Variants in P2RY8 observed in about 807,000 individuals in gnomAD.
P2RY8 encodes the protein P2Y receptor family member 8, also known as S-geranylgeranyl-glutathione receptor P2RY8.
P2RY8 carries 6 observed loss-of-function variants against 10.0 expected under a neutral mutation model. The ratio of observed to expected loss-of-function variants is 0.60; its 90% CI spans 0.33 to 1.19. The LOEUF is 1.19. Among genes scored for constraint, P2RY8 ranks in the 50% most tolerant of loss-of-function variants. The probability of loss-of-function intolerance (pLI) is 0.04; values close to 1 mark genes in which losing one functional copy is unlikely to be tolerated. For missense variants in P2RY8, 456 were observed against 542.0 expected (o/e 0.84, Z 1.58); for synonymous variants, 276 against 252.5 (o/e 1.09, Z -0.88).
chrX:1,511,577 T>C (rs1477810650), intron 1 of P2RY8, among the ~76,000 whole-genome samples: 1 of 152,166 alleles, frequency 6.6e-6, no homozygotes, highest in Non-Finnish European at 1.5e-5. Context: ...TGGAATGCAG[T>C]GGTGTGATCA....
At chrX:1,508,659 C>A (rs777156125) in intron 1 of P2RY8, among the ~76,000 whole-genome samples, 9 of 149,358 alleles carry the variant, frequency 6.0e-5, no homozygotes, top group Non-Finnish European at 7.5e-5. Flanking sequence ...ATCTATCTAT[C>A]CTGTATGTAT....
At chrX:1,503,287 A>G (rs2092197268) in intron 1 of P2RY8, among the ~76,000 whole-genome samples, 2 of 152,176 alleles carry the variant, frequency 1.3e-5, no homozygotes, top group African/African-American at 4.8e-5. Context: ...GGCCCCCGGA[A>G]CTGTAAGAAA....
chrX:1,492,207 G>T (rs1245938524), intron 1 of P2RY8, among the ~76,000 whole-genome samples: 1 of 152,136 alleles, frequency 6.6e-6, no homozygotes, highest in East Asian at 1.9e-4. Flanking sequence ...ACTGAAGATG[G>T]GGGTGTGTGG....
At chrX:1,469,739 AAAAC>A (rs1425323059) in intron 1 of P2RY8, among the ~76,000 whole-genome samples, 4 of 151,846 alleles carry the variant, frequency 2.6e-5, no homozygotes, top group African/African-American at 9.7e-5. Flanking sequence ...AAAAAACAAA[AAAAC>A]AAAAAAATTA....
chrX:1,524,796 T>C (rs866113308), intron 1 of P2RY8, among the ~76,000 whole-genome samples: 1 of 104,764 alleles, frequency 9.5e-6, no homozygotes, highest in African/African-American at 3.4e-5. Flanking sequence ...CATCCATTCA[T>C]CCATCCACTC....
chrX:1,491,027 C>T (rs1224371759), intron 1 of P2RY8, among the ~76,000 whole-genome samples: 205 of 144,042 alleles, frequency 1.4e-3, no homozygotes, highest in Non-Finnish European at 2.0e-3. Flanking sequence ...ATGAATGATA[C>T]CCCAGATTCA....
In P2RY8 at chrX:1,535,716, G is replaced by GACACACAC. The variant is rs770470429; in HGVS notation, c.-25+1197_-25+1204dup. 2.1e-3 allele frequency among the ~76,000 whole-genome samples: 306 copies of GACACACAC among 146,300 alleles called. 2 individuals carry two copies. Among genetic ancestry groups the GACACACAC allele is most frequent in the African/African-American group, 7.4e-3 (293 of 39,458 alleles). On this transcript the variant is annotated intron_variant, in intron 1 of 1. Transcript: ENST00000381297. ...AACCACACACACACACACACACACAGACACACACACAGACACACACACACA... is the reference window on the plus strand; with the variant it reads ...AACCACACACACACACACACACACAGACACACACACACACACACAGACACACACACACA...
At chrX:1,514,872 CCCTGT>C (rs1364086516) in intron 1 of P2RY8, among the ~76,000 whole-genome samples, 10 of 4,716 alleles carry the variant, frequency 2.1e-3, no homozygotes, top group Non-Finnish European at 5.1e-3. Context: ...CCTCCCCTTC[CCCTGT>C]CTTCCTCTCC....
chrX:1,507,489 G>A (rs748311041), intron 1 of P2RY8, among the ~76,000 whole-genome samples: 18 of 152,286 alleles, frequency 1.2e-4, no homozygotes, highest in Non-Finnish European at 2.2e-4. Flanking sequence ...CAGAAAAGCT[G>A]TCGCTCATAT....
At chrX:1,525,291 T>G (rs1174663949) in intron 1 of P2RY8, among the ~76,000 whole-genome samples, 1 of 152,214 alleles carries the variant, frequency 6.6e-6, no homozygotes, top group African/African-American at 2.4e-5. Flanking sequence ...AATAGGATCT[T>G]TGCAGATGGG....
Position 1,493,344 on chromosome X carries a change from G to A in P2RY8, c.-24-26762C>T, listed in dbSNP as rs868329079. Among the ~76,000 whole-genome samples, 3 of 73,430 alleles carry A rather than the reference G, an allele frequency of 4.1e-5. 1 individual carries two copies. 48.2% of individuals were successfully genotyped at this position (73,430 alleles called of 152,430 possible). ...AGGAGGGGAGGGGAGGGGAGGGGAG[G>A]GGAGGGGAGGGGAGGGGAGGGGGAG... On this transcript the variant is annotated intron_variant, in intron 1 of 1. Coordinates refer to ENST00000381297, the MANE Select transcript of P2RY8 (RefSeq NM_178129.5).
chrX:1,492,664 C>T (rs1364652154), intron 1 of P2RY8, among the ~76,000 whole-genome samples: 1 of 152,112 alleles, frequency 6.6e-6, no homozygotes, highest in Non-Finnish European at 1.5e-5. Context: ...TCAGCTAGCT[C>T]GACTCAAGTT....
intron 1 of P2RY8, among the ~76,000 whole-genome samples, chrX:1,513,482 G>T (rs186604875): frequency 5.0e-5 from 7 of 139,758 alleles, no homozygotes; most frequent in South Asian, 2.4e-4. Flanking sequence ...GCTTGTGGCC[G>T]CATCACTCCA....
intron 1 of P2RY8, among the ~76,000 whole-genome samples, chrX:1,512,641 C>T (rs1313844275): frequency 6.6e-6 from 1 of 151,304 alleles, no homozygotes; most frequent in African/African-American, 2.4e-5. Flanking sequence ...GCTAGGGAGA[C>T]CTCGCAATCA....
chrX:1,492,727 G>T (rs774823485), intron 1 of P2RY8, among the ~76,000 whole-genome samples: 2 of 152,128 alleles, frequency 1.3e-5, no homozygotes, highest in Non-Finnish European at 2.9e-5. Flanking sequence ...GGGTAGGCAG[G>T]TTGGGCTCCC....
chrX:1,478,619 C>G (rs2091902745), intron 1 of P2RY8, among the ~76,000 whole-genome samples: 1 of 151,974 alleles, frequency 6.6e-6, no homozygotes, highest in African/African-American at 2.4e-5. Flanking sequence ...TCTGGGACTA[C>G]AGGCGCCTGC....
chrX:1,517,156 CTCT>C (rs2092357233), intron 1 of P2RY8, among the ~76,000 whole-genome samples: 1 of 150,882 alleles, frequency 6.6e-6, no homozygotes, highest in African/African-American at 2.4e-5. Context: ...GAATCAATGT[CTCT>C]TGTTTCTAAG....
intron 1 of P2RY8, among the ~76,000 whole-genome samples, chrX:1,535,920 T>C (rs1300211174): frequency 1.3e-5 from 2 of 152,054 alleles, no homozygotes; most frequent in Non-Finnish European, 2.9e-5. Flanking sequence ...ACCCAAGGAA[T>C]TGGGGTTTCT....
rs1170523448 is a variant in P2RY8 at position 1,495,476 on chromosome X, G to T, written c.-24-28894C>A. Among the ~76,000 whole-genome samples the T allele has an allele frequency of 4.0e-5, 6 of 151,204 alleles. No individual in the cohort carries two copies. In the East Asian group the frequency reaches 1.2e-3, roughly 29 times the overall value. ...GAGGGACGACACTGTGAGGACACAG[G>T]GAGAAGACGGCATCTCCAAGCCCAG... is the stretch of plus-strand genomic sequence containing the variant. On this transcript the variant is annotated intron_variant, in intron 1 of 1. Transcript: ENST00000381297.
Sources: allele counts gnomAD v4.1 joint callset (sites outside exome capture counted in the v4.1 genomes callset), GRCh38; gene constraint gnomAD v4.1.1; transcripts MANE v1.5; gene names NCBI Gene and HGNC (gene_info 2026-07-23, HGNC 2026-07-21).